The following COG5 variants were observed in gnomAD, a reference collection of about 807,000 sequenced individuals.
COG5 encodes the protein conserved oligomeric Golgi complex subunit 5.
COG5 carries 86 observed loss-of-function variants against 110.4 expected under a neutral mutation model. The ratio of observed to expected loss-of-function variants is 0.78; its 90% CI spans 0.65 to 0.93. COG5 has a LOEUF of 0.93. Among genes scored for constraint, COG5 ranks in the 40% least tolerant of loss-of-function variants. The pLI, the probability that COG5 is intolerant of heterozygous loss-of-function variation, is 0.00. For missense variants in COG5, 1,077 were observed against 987.0 expected (o/e 1.09, Z -1.22); for synonymous variants, 360 against 334.6 (o/e 1.08, Z -0.83).
intron 6 of COG5, among the ~76,000 whole-genome samples, chr7:107,427,387 G>T (rs1364760686): frequency 6.6e-6 from 1 of 152,016 alleles, no homozygotes; most frequent in African/African-American, 2.4e-5. Context: ...AACTCCCTGT[G>T]AAAACACTGC....
intron 7 of COG5, among the ~76,000 whole-genome samples, chr7:107,381,475 G>C (rs930961318): frequency 4.6e-5 from 7 of 152,166 alleles, no homozygotes; most frequent in African/African-American, 1.7e-4. Context: ...TCATAATTAA[G>C]GTTAAGTTAT....
intron 5 of COG5, among the ~76,000 whole-genome samples, chr7:107,543,251 A>G (rs1802176759): frequency 6.6e-6 from 1 of 152,202 alleles, no homozygotes. Flanking sequence ...AAAAAGAGGC[A>G]CATTGAAGAG....
intron 6 of COG5, among the ~76,000 whole-genome samples, chr7:107,436,913 C>G (rs1208929955): frequency 6.6e-6 from 1 of 151,940 alleles, no homozygotes; most frequent in African/African-American, 2.4e-5. Context: ...CAAATATAAC[C>G]CTGATTCGTC....
intron 6 of COG5, among the ~76,000 whole-genome samples, chr7:107,464,122 G>T (rs1796162773): frequency 6.6e-6 from 1 of 152,116 alleles, no homozygotes; most frequent in African/African-American, 2.4e-5. Context: ...AGTCCACAAA[G>T]TAAAAGAGCA....
chr7:107,519,207 TA>T (rs1270747152), intron 6 of COG5, among the ~76,000 whole-genome samples: 4 of 152,030 alleles, frequency 2.6e-5, no homozygotes, highest in African/African-American at 9.6e-5. Flanking sequence ...AGGAAAGATC[TA>T]AAATCGACAC....
chr7:107,373,396 G>C (rs1192160730), intron 7 of COG5, among the ~76,000 whole-genome samples: 1 of 152,044 alleles, frequency 6.6e-6, no homozygotes, highest in Non-Finnish European at 1.5e-5. Context: ...CGTGAAGTAG[G>C]GAATAAGAAT....
At chr7:107,228,152 T>A (rs778464188) in intron 19 of COG5, among the ~76,000 whole-genome samples, 38 of 151,808 alleles carry the variant, frequency 2.5e-4, no homozygotes, top group Middle Eastern at 6.8e-3. Context: ...AATATAAAAA[T>A]TAGCTGGGCA....
chr7:107,367,558 G>A (rs1490502594), intron 8 of COG5, among the ~76,000 whole-genome samples: 3 of 149,440 alleles, frequency 2.0e-5, no homozygotes, highest in African/African-American at 5.1e-5. Context: ...AGAAACTGTT[G>A]TGTATATATA....
chr7:107,318,392 A>G (rs796890812), intron 11 of COG5, among the ~76,000 whole-genome samples: 13 of 152,340 alleles, frequency 8.5e-5, no homozygotes, highest in African/African-American at 3.1e-4. Flanking sequence ...GTACAAATTA[A>G]ATGTACTCAT....
At position 107,412,484 on chromosome 7, in the gene COG5, C is replaced by A. The variant is rs202142005; in HGVS notation, c.669+18G>T. On this transcript the variant is annotated intron_variant, in intron 7 of 21. Coordinates refer to ENST00000297135, the MANE Select transcript of COG5 (RefSeq NM_006348.5). ...ATGACACATTTTTTACATTAAAAAA[C>A]AGTCTTATTTTTATTACCTGAGTCT... is the stretch of plus-strand genomic sequence containing the variant. 3 of 976,504 alleles carry A rather than the reference C, an allele frequency of 3.1e-6. No homozygotes were observed. The highest frequency in any genetic ancestry group is 2.9e-6 in the Non-Finnish European group (2 of 699,938). The allele number at this position is 976,504 out of a possible 1,614,324, so 60.5% of individuals were successfully genotyped here.
chr7:107,460,747 T>C (rs907243503), intron 6 of COG5, among the ~76,000 whole-genome samples: 3 of 151,900 alleles, frequency 2.0e-5, no homozygotes, highest in Non-Finnish European at 4.4e-5. Flanking sequence ...ATGATAGAAA[T>C]TGTCAAATAT....
At chr7:107,441,802 T>G (rs923717603) in intron 6 of COG5, among the ~76,000 whole-genome samples, 3 of 152,250 alleles carry the variant, frequency 2.0e-5, no homozygotes, top group Non-Finnish European at 4.4e-5. Flanking sequence ...TCTCCTCCAC[T>G]GCTCAAAGTT....
intron 6 of COG5, among the ~76,000 whole-genome samples, chr7:107,430,163 A>C (rs1793918541): frequency 6.6e-6 from 1 of 152,130 alleles, no homozygotes; most frequent in African/African-American, 2.4e-5. Flanking sequence ...TTGGTGTTTT[A>C]TCTCAGAAAC....
rs548213346 is a variant in COG5 at position 107,217,169 on chromosome 7, C to T, written c.2169-5944G>A. Among the ~76,000 whole-genome samples, 6 of 151,962 alleles carry T rather than the reference C, an allele frequency of 3.9e-5. No homozygotes were observed. In the South Asian group the frequency reaches 1.2e-3, roughly 32 times the overall value. On this transcript the variant is annotated intron_variant, in intron 19 of 21. Transcript: ENST00000297135. ...CACATATAATCTACTAACACTGAATCAAGAAGAAATAGAAAACAGAAATAG... is the reference window on the plus strand; with the variant it reads ...CACATATAATCTACTAACACTGAATTAAGAAGAAATAGAAAACAGAAATAG...
chr7:107,405,617 T>A (rs1858888), intron 7 of COG5, among the ~76,000 whole-genome samples: 29,952 of 152,200 alleles, frequency 0.2, 3,292 homozygotes, highest in East Asian at 0.33. Flanking sequence ...TACAGTAAAT[T>A]TCATGAACTG....
At chr7:107,518,325 A>T (rs1211610980) in intron 6 of COG5, among the ~76,000 whole-genome samples, 1 of 152,232 alleles carries the variant, frequency 6.6e-6, no homozygotes, top group Non-Finnish European at 1.5e-5. Flanking sequence ...CCTTAAATGT[A>T]AATGGGCTAA....
intron 5 of COG5, among the ~76,000 whole-genome samples, chr7:107,542,352 A>G (rs1802102218): frequency 6.6e-6 from 1 of 152,202 alleles, no homozygotes; most frequent in South Asian, 2.1e-4. Context: ...AAATATTAGC[A>G]AAAACTAACA....
chr7:107,500,960 T>C (rs1798594560), intron 6 of COG5, among the ~76,000 whole-genome samples: 2 of 152,140 alleles, frequency 1.3e-5, no homozygotes, highest in Admixed American at 6.5e-5. Context: ...TTAGCAATCT[T>C]AATTTGCCAT....
chr7:107,529,798 T>C (rs1035767747), intron 5 of COG5, among the ~76,000 whole-genome samples: 1 of 152,210 alleles, frequency 6.6e-6, no homozygotes, highest in Non-Finnish European at 1.5e-5. Context: ...TGGTCTCTTT[T>C]TCTGCCTTAT....
Sources: allele counts gnomAD v4.1 joint callset (sites outside exome capture counted in the v4.1 genomes callset), GRCh38; gene constraint gnomAD v4.1.1; transcripts MANE v1.5; gene names NCBI Gene and HGNC (gene_info 2026-07-23, HGNC 2026-07-21).